Variants in UCHL5 observed in about 807,000 individuals in gnomAD.
The protein encoded by UCHL5 is ubiquitin carboxyl-terminal hydrolase isozyme L5.
In UCHL5, 34 loss-of-function variants were observed where a neutral mutation model predicts 53.8. That is an observed-to-expected ratio of 0.63 (90% CI 0.48 to 0.84). The LOEUF (loss-of-function observed/expected upper bound fraction) is 0.84. Among genes scored for constraint, UCHL5 ranks in the 40% least tolerant of loss-of-function variants. The pLI is 0.00. For synonymous variants in UCHL5, 111 were observed against 126.3 expected (o/e 0.88, Z 0.81); for missense variants, 290 against 385.6 (o/e 0.75, Z 2.08).
intron 3 of UCHL5, among the ~76,000 whole-genome samples, chr1:193,036,229 T>C (rs1438651237): frequency 2.8e-5 from 4 of 144,750 alleles, no homozygotes; most frequent in South Asian, 2.1e-4. Context: ...CCCCATAATA[T>C]GGTGGGTACA....
intron 3 of UCHL5, among the ~76,000 whole-genome samples, chr1:193,040,064 A>G (rs1291317882): frequency 6.6e-6 from 1 of 152,206 alleles, no homozygotes; most frequent in African/African-American, 2.4e-5. Flanking sequence ...CATTGGGGAA[A>G]ATCTCCAGAA....
chr1:193,021,069 T>C, intron 10 of UCHL5, 28 bp downstream of exon 10: 1 of 1,484,574 alleles, frequency 6.7e-7, no homozygotes, highest in Non-Finnish European at 9.3e-7. Flanking sequence ...CTAAACTTAA[T>C]TTAAGTATCT....
intron 3 of UCHL5, among the ~76,000 whole-genome samples, chr1:193,044,417 T>G (rs952445857): frequency 6.6e-6 from 1 of 152,138 alleles, no homozygotes; most frequent in African/African-American, 2.4e-5. Context: ...ATCAGTGAAA[T>G]AACAAGACTA....
At chr1:193,034,172 C>A (rs925390414) in intron 3 of UCHL5, among the ~76,000 whole-genome samples, 1 of 151,646 alleles carries the variant, frequency 6.6e-6, no homozygotes, top group Non-Finnish European at 1.5e-5. Flanking sequence ...AGGTTCCTAC[C>A]CTAATAAAAG....
chr1:193,036,284 G>A (rs1212191482), intron 3 of UCHL5, among the ~76,000 whole-genome samples: 3 of 142,546 alleles, frequency 2.1e-5, no homozygotes, highest in Non-Finnish European at 4.6e-5. Flanking sequence ...AAAAGGGAAA[G>A]GGTGGAAGAA....
At chr1:193,035,626 T>G (rs1026167721) in intron 3 of UCHL5, among the ~76,000 whole-genome samples, 9 of 151,950 alleles carry the variant, frequency 5.9e-5, no homozygotes, top group Admixed American at 1.3e-4. Flanking sequence ...AAAAAAACAC[T>G]AATGCGCAAA....
At chr1:193,031,665 A>G (rs1661463557) in intron 3 of UCHL5, among the ~76,000 whole-genome samples, 1 of 152,168 alleles carries the variant, frequency 6.6e-6, no homozygotes, top group Non-Finnish European at 1.5e-5. Flanking sequence ...ACAGCCATTC[A>G]TTCATTCATT....
At chr1:193,037,983 T>C (rs1664156052) in intron 3 of UCHL5, among the ~76,000 whole-genome samples, 1 of 151,594 alleles carries the variant, frequency 6.6e-6, no homozygotes, top group Admixed American at 6.6e-5. Flanking sequence ...TCAATAAATG[T>C]GATACCAAGA....
chr1:193,059,643 C>T (rs1463490083), upstream of UCHL5: 6 of 1,391,104 alleles, frequency 4.3e-6, no homozygotes, highest in East Asian at 4.2e-5. The surrounding 1 kb of genome is among the most constrained non-coding windows in gnomAD (Gnocchi z 4.9). Flanking sequence ...CTGGAATCCC[C>T]GGCGGCAGTG....
intron 7 of UCHL5, among the ~76,000 whole-genome samples, chr1:193,027,670 G>GT (rs1483416914): frequency 6.6e-6 from 1 of 152,144 alleles, no homozygotes; most frequent in African/African-American, 2.4e-5. Context: ...GGGCGACCCA[G>GT]TGAGACTCTG....
chr1:193,036,359 C>G (rs1374078768), intron 3 of UCHL5, among the ~76,000 whole-genome samples: 1 of 147,456 alleles, frequency 6.8e-6, no homozygotes, highest in South Asian at 2.1e-4. Context: ...GAGTACTATC[C>G]TTATATCAGA....
intron 1 of UCHL5, among the ~76,000 whole-genome samples, chr1:193,058,058 C>T (rs1671252371): frequency 6.6e-6 from 1 of 151,454 alleles, no homozygotes; most frequent in African/African-American, 2.4e-5. Context: ...GAAACCCTGT[C>T]TCTACTAAAA....
At chr1:193,059,423 A>T (rs2102988122), upstream of UCHL5, 1 of 1,610,788 alleles carries the variant, frequency 6.2e-7, no homozygotes, top group South Asian at 1.1e-5. The surrounding 1 kb of genome is among the most constrained non-coding windows in gnomAD (Gnocchi z 4.9). Flanking sequence ...CTGCAGCGCG[A>T]CTGAGCGCGG....
intron 3 of UCHL5, among the ~76,000 whole-genome samples, chr1:193,040,251 A>T (rs1399667262): frequency 6.6e-6 from 1 of 152,244 alleles, no homozygotes; most frequent in Non-Finnish European, 1.5e-5. Context: ...TACCCATCTT[A>T]TAAAGGATTA....
chr1:193,020,252 T>C lies in UCHL5; in HGVS notation c.942+845A>G, dbSNP rs1656460368. The C allele has an allele frequency of 7.9e-6, 12 of 1,511,754 alleles. No homozygotes were observed. The Admixed American group carries it at 2.5e-4, about 32-fold the overall frequency. The allele number at this position is 1,511,754 out of a possible 1,614,324, so 93.6% of individuals were successfully genotyped here. ...GAATGTATAACATGAAACAGCTTGG[T>C]TGAAATCAATCTTTGCTTTGTAAAC... On this transcript the variant is annotated intron_variant, in intron 10 of 10. Coordinates refer to ENST00000367454, the MANE Select transcript of UCHL5 (RefSeq NM_001199261.3).
chr1:193,043,622 CTAA>C (rs1182373523), intron 3 of UCHL5, among the ~76,000 whole-genome samples: 1 of 146,036 alleles, frequency 6.8e-6, no homozygotes, highest in East Asian at 2.0e-4. Flanking sequence ...CACTGATAGT[CTAA>C]TAATGTGACT....
chr1:193,051,055 C>T (rs551103324), intron 2 of UCHL5, among the ~76,000 whole-genome samples: 6 of 152,302 alleles, frequency 3.9e-5, no homozygotes, highest in African/African-American at 1.4e-4. Flanking sequence ...AGCAAACTAC[C>T]TATCACCTTC....
In UCHL5 at chr1:193,028,152, G is replaced by T; in HGVS notation, c.566-4C>A. Reference sequence around the variant, plus strand: ...CAATCATCTTGATTGCATGCACCTAGAAAGAAATTTTAAAACAGTTAACAC... The same window carrying T: ...CAATCATCTTGATTGCATGCACCTATAAAGAAATTTTAAAACAGTTAACAC... On this transcript the variant is annotated splice_polypyrimidine_tract_variant and splice_region_variant and intron_variant, in intron 6 of 10. Transcript: ENST00000367454. 5.1e-6 allele frequency: 8 copies of T among 1,581,344 alleles called. No homozygotes were observed. Among genetic ancestry groups the T allele is most frequent in the Non-Finnish European group, 6.0e-6 (7 of 1,167,162 alleles).
intron 2 of UCHL5, 31 bp downstream of exon 2, chr1:193,051,723 T>C (rs757763418): frequency 7.6e-7 from 1 of 1,319,462 alleles, no homozygotes; most frequent in South Asian, 1.3e-5. Context: ...TATATATATA[T>C]ACATATTAAC....
Sources: allele counts gnomAD v4.1 joint callset (sites outside exome capture counted in the v4.1 genomes callset), GRCh38; gene constraint gnomAD v4.1.1; non-coding constraint Gnocchi (gnomAD v3.1); transcripts MANE v1.5; gene names NCBI Gene and HGNC (gene_info 2026-07-23, HGNC 2026-07-21).